The following KIAA1328 variants were observed in gnomAD, a reference collection of about 807,000 sequenced individuals.
The protein encoded by KIAA1328 is KIAA1328.
In KIAA1328, 52 loss-of-function variants were observed where a neutral mutation model predicts 68.1. The ratio of observed to expected loss-of-function variants is 0.76; its 90% confidence interval spans 0.61 to 0.96. The LOEUF is 0.96. Among genes scored for constraint, KIAA1328 ranks in the 40% least tolerant of loss-of-function variants. The probability of loss-of-function intolerance (pLI) is 0.00; values close to 1 mark genes in which losing one functional copy is unlikely to be tolerated. For synonymous variants in KIAA1328, 232 were observed against 239.4 expected, an observed-to-expected ratio of 0.97 and a Z score of 0.28; for missense variants, 641 against 677.6, an observed-to-expected ratio of 0.95 and a Z score of 0.60.
chr18:37,097,101 G>A (rs534367883), intron 7 of KIAA1328, among the ~76,000 whole-genome samples: 3 of 152,200 alleles, frequency 2.0e-5, no homozygotes, highest in Admixed American at 2.0e-4. Context: ...TGTCAATTTT[G>A]GCTTTTGTTG....
At chr18:37,043,154 AT>A (rs1233717397) in intron 6 of KIAA1328, among the ~76,000 whole-genome samples, 1 of 152,032 alleles carries the variant, frequency 6.6e-6, no homozygotes, top group East Asian at 1.9e-4. Context: ...CTTACCTTTA[AT>A]TCTTAAAATG....
At chr18:36,860,489 A>G (rs1228351109) in intron 4 of KIAA1328, among the ~76,000 whole-genome samples, 1 of 152,074 alleles carries the variant, frequency 6.6e-6, no homozygotes, top group African/African-American at 2.4e-5. Context: ...ACCTCTGGTT[A>G]CCCTGGAGAA....
intron 4 of KIAA1328, among the ~76,000 whole-genome samples, chr18:36,857,925 A>G (rs1320066427): frequency 6.6e-6 from 1 of 152,136 alleles, no homozygotes; most frequent in African/African-American, 2.4e-5. Flanking sequence ...GCTATGACTT[A>G]ATTTTGAAAA....
intron 4 of KIAA1328, among the ~76,000 whole-genome samples, chr18:36,857,438 C>T (rs183433403): frequency 2.4e-4 from 37 of 152,156 alleles, no homozygotes; most frequent in African/African-American, 8.7e-4. Flanking sequence ...TCTATCAGGT[C>T]AAAATAAATA....
At chr18:37,143,737 T>C (rs1415640236) in intron 7 of KIAA1328, among the ~76,000 whole-genome samples, 3 of 152,050 alleles carry the variant, frequency 2.0e-5, no homozygotes, top group South Asian at 4.1e-4. Flanking sequence ...TGGGAGTTTT[T>C]AATCATAACT....
At chr18:36,853,860 G>T (rs2047297522) in intron 4 of KIAA1328, among the ~76,000 whole-genome samples, 1 of 152,012 alleles carries the variant, frequency 6.6e-6, no homozygotes, top group Non-Finnish European at 1.5e-5. Context: ...GTTTCACCAG[G>T]TTAGCCAGGC....
intron 6 of KIAA1328, among the ~76,000 whole-genome samples, chr18:37,045,702 A>G (rs2055441245): frequency 1.3e-5 from 2 of 152,162 alleles, no homozygotes; most frequent in African/African-American, 4.8e-5. Flanking sequence ...TTACTATTTC[A>G]GGCTTCTCAA....
At chr18:37,084,010 T>G (rs193002816) in intron 7 of KIAA1328, 1 of 453,950 alleles carries the variant, frequency 2.2e-6, no homozygotes, top group Admixed American at 4.4e-5. Context: ...TTGACTAAGT[T>G]TTAATTGGAA....
chr18:36,906,348 T>C (rs2049221183), intron 5 of KIAA1328, among the ~76,000 whole-genome samples: 3 of 152,322 alleles, frequency 2.0e-5, no homozygotes, highest in South Asian at 4.1e-4. Flanking sequence ...CCTATTTAAC[T>C]CTGCCTTCTC....
intron 5 of KIAA1328, among the ~76,000 whole-genome samples, chr18:36,931,150 C>A (rs2050294817): frequency 6.6e-6 from 1 of 152,048 alleles, no homozygotes; most frequent in Non-Finnish European, 1.5e-5. Context: ...AGGCAAAAAA[C>A]TCCCAAACAA....
At chr18:36,874,456 T>A (rs2048052964) in intron 4 of KIAA1328, among the ~76,000 whole-genome samples, 1 of 152,242 alleles carries the variant, frequency 6.6e-6, no homozygotes, top group South Asian at 2.1e-4. Flanking sequence ...CTTTTTATCA[T>A]ATGTTTGCTG....
chr18:36,859,584 T>TCTCTCA (rs2047492775), intron 4 of KIAA1328, among the ~76,000 whole-genome samples: 1 of 142,552 alleles, frequency 7.0e-6, no homozygotes, highest in East Asian at 2.4e-4. Context: ...TCTCTCTCAT[T>TCTCTCA]CTCTCACTCT....
chr18:37,056,643 A>G (rs1347035186), intron 6 of KIAA1328, among the ~76,000 whole-genome samples: 2 of 152,118 alleles, frequency 1.3e-5, no homozygotes, highest in African/African-American at 2.4e-5. Context: ...TCTTTAGTAT[A>G]AGACAAATCC....
intron 5 of KIAA1328, among the ~76,000 whole-genome samples, chr18:36,940,427 G>T (rs1199521438): frequency 6.6e-6 from 1 of 152,102 alleles, no homozygotes; most frequent in African/African-American, 2.4e-5. Context: ...TGATTATATA[G>T]AAAGGTTAAA....
At chr18:37,104,255 T>C (rs959259943) in intron 7 of KIAA1328, among the ~76,000 whole-genome samples, 3 of 152,302 alleles carry the variant, frequency 2.0e-5, no homozygotes, top group African/African-American at 7.2e-5. Flanking sequence ...GACCAAGATA[T>C]GGAATCAACC....
chr18:37,103,741 A>G (rs999112027), intron 7 of KIAA1328, among the ~76,000 whole-genome samples: 3 of 152,104 alleles, frequency 2.0e-5, no homozygotes, highest in African/African-American at 7.2e-5. Context: ...GAAAGTATAT[A>G]CAAAGTATTC....
chr18:37,033,305 G>C (rs2054905070), intron 6 of KIAA1328, among the ~76,000 whole-genome samples: 1 of 152,090 alleles, frequency 6.6e-6, no homozygotes, highest in African/African-American at 2.4e-5. Flanking sequence ...TATGTTGTAA[G>C]TTTTTATTAG....
chr18:37,118,062 A>G (rs1312476241), intron 7 of KIAA1328, among the ~76,000 whole-genome samples: 1 of 149,356 alleles, frequency 6.7e-6, no homozygotes, highest in East Asian at 2.0e-4. Context: ...TGGCACAAAC[A>G]CCGCTTACTG....
intron 8 of KIAA1328, 54 bp from the exon 9 acceptor site, chr18:37,172,919 T>G: frequency 7.4e-7 from 1 of 1,357,456 alleles, no homozygotes; most frequent in Non-Finnish European, 1.0e-6. Flanking sequence ...AAGAGTGAAC[T>G]TTTCCATTTT....
Sources: gnomAD v4.1 joint callset for allele counts (sites outside exome capture counted in the v4.1 genomes callset) on GRCh38, gnomAD v4.1.1 for gene constraint, MANE v1.5 for transcripts, NCBI Gene and HGNC (gene_info 2026-07-23, HGNC 2026-07-21) for gene names.